PRKG1: variants seen among roughly 807,000 people sequenced by gnomAD.
PRKG1 encodes cGMP-dependent protein kinase 1.
PRKG1 carries 35 observed loss-of-function variants against 88.1 expected under a neutral mutation model. That is an observed-to-expected ratio of 0.40 (90% CI 0.30 to 0.53). The LOEUF is 0.53. Ranked by LOEUF, PRKG1 falls within the 20% of genes least tolerant of loss-of-function variation. PRKG1 has a pLI of 0.59. For missense variants in PRKG1, 540 were observed against 839.8 expected, an observed-to-expected ratio of 0.64 and a Z score of 4.41; for synonymous variants, 303 against 292.5, an observed-to-expected ratio of 1.04 and a Z score of -0.37.
intron 5 of PRKG1, among the ~76,000 whole-genome samples, chr10:51,956,896 G>A (rs530154344): frequency 1.3e-4 from 20 of 152,184 alleles, no homozygotes; most frequent in African/African-American, 4.8e-4. Context: ...TGAAATGTGA[G>A]AACTCAGAAT....
In PRKG1 at chr10:51,810,045, A is replaced by G. The variant is rs375347399; in HGVS notation, c.698+5355A>G. Reference sequence around the variant, plus strand: ...CATTACCAGAGTGATCTAAGATGTGACAACACATCAAGTATGCCTGCCATA... The same window carrying G: ...CATTACCAGAGTGATCTAAGATGTGGCAACACATCAAGTATGCCTGCCATA... On this transcript the variant is annotated intron_variant, in intron 4 of 17. Coordinates refer to ENST00000373980, the MANE Select transcript of PRKG1 (RefSeq NM_006258.4). 1.2e-4 allele frequency among the ~76,000 whole-genome samples: 19 copies of G among 152,232 alleles called. 1 individual carries two copies. The East Asian group carries it at 2.3e-3, about 19-fold the overall frequency.
intron 1 of PRKG1, among the ~76,000 whole-genome samples, chr10:51,025,590 C>T (rs1013888531): frequency 2.0e-5 from 3 of 152,170 alleles, no homozygotes; most frequent in African/African-American, 7.2e-5. Flanking sequence ...GCTGGTGTCC[C>T]TTTCCCCTCA....
intron 2 of PRKG1, among the ~76,000 whole-genome samples, chr10:51,313,003 C>A (rs570390226): frequency 1.3e-5 from 2 of 151,490 alleles, no homozygotes; most frequent in Admixed American, 1.3e-4. Context: ...GTGACATGGG[C>A]TGATATCATT....
At chr10:52,009,243 C>G (rs1844818985) in intron 5 of PRKG1, among the ~76,000 whole-genome samples, 1 of 152,266 alleles carries the variant, frequency 6.6e-6, no homozygotes, top group Non-Finnish European at 1.5e-5. Context: ...TTCCTATTTA[C>G]AGATGATGTG....
chr10:51,486,295 G>A (rs1276657281), intron 3 of PRKG1, among the ~76,000 whole-genome samples: 1 of 151,850 alleles, frequency 6.6e-6, no homozygotes, highest in Admixed American at 6.6e-5. Flanking sequence ...ACTTCTGTGA[G>A]TTTGACAATT....
intron 2 of PRKG1, among the ~76,000 whole-genome samples, chr10:51,212,793 C>A (rs562281868): frequency 1.8e-4 from 28 of 152,200 alleles, no homozygotes; most frequent in Middle Eastern, 3.4e-3. Flanking sequence ...GTTAGAATGG[C>A]GATCATTAAC....
intron 5 of PRKG1, among the ~76,000 whole-genome samples, chr10:51,945,261 G>A (rs572467997): frequency 7.3e-5 from 11 of 150,076 alleles, no homozygotes; most frequent in Admixed American, 3.3e-4. Flanking sequence ...TGTTTTATCA[G>A]AGACTAGGAT....
chr10:51,863,127 G>C (rs1840928716), intron 4 of PRKG1, among the ~76,000 whole-genome samples: 1 of 49,072 alleles, frequency 2.0e-5, no homozygotes, highest in Non-Finnish European at 4.4e-5. Flanking sequence ...TAAATCAGTA[G>C]GACCCCAGAG....
intron 1 of PRKG1, among the ~76,000 whole-genome samples, chr10:51,078,740 C>T (rs1227214625): frequency 6.6e-6 from 1 of 151,882 alleles, no homozygotes; most frequent in Non-Finnish European, 1.5e-5. Flanking sequence ...CCTCAGCCTC[C>T]TGAGTAGCTG....
chr10:51,433,622 G>A (rs1455355669), intron 2 of PRKG1, among the ~76,000 whole-genome samples: 1 of 142,000 alleles, frequency 7.0e-6, no homozygotes, highest in African/African-American at 2.6e-5. Flanking sequence ...CTAGACACCA[G>A]CAATAGGGGC....
intron 3 of PRKG1, among the ~76,000 whole-genome samples, chr10:51,574,270 C>A (rs185903571): frequency 3.3e-5 from 5 of 151,778 alleles, no homozygotes; most frequent in African/African-American, 1.2e-4. Context: ...TGAAAGGAGA[C>A]AAAAAATGAT....
chr10:51,723,784 A>C (rs10823469), intron 3 of PRKG1, among the ~76,000 whole-genome samples: 67,244 of 152,060 alleles, frequency 0.44, 15,490 homozygotes, highest in Middle Eastern at 0.57. Flanking sequence ...ATCCTAAAAG[A>C]TGAATTTTGG....
In PRKG1 at chr10:51,496,974, C is replaced by G. The variant is rs761196874; in HGVS notation, c.592+29138C>G. ...CTAAACTGATTCCTGTTTATTTTAG[C>G]AAAATGACTTCAATAAGTTAAATGG... On this transcript the variant is annotated intron_variant, in intron 3 of 17. Transcript: ENST00000373980. Among the ~76,000 whole-genome samples the G allele has an allele frequency of 4.1e-4, 62 of 152,098 alleles. 2 individuals carry two copies. The highest frequency in any genetic ancestry group is 7.4e-5 in the Non-Finnish European group (5 of 67,988).
intron 5 of PRKG1, among the ~76,000 whole-genome samples, chr10:51,931,127 T>G (rs1842685866): frequency 6.6e-6 from 1 of 152,172 alleles, no homozygotes; most frequent in Admixed American, 6.6e-5. Context: ...GCGCAGTTAA[T>G]TGGTCCATTA....
chr10:51,076,440 G>A (rs1224163001), intron 1 of PRKG1, among the ~76,000 whole-genome samples: 1 of 152,134 alleles, frequency 6.6e-6, no homozygotes, highest in African/African-American at 2.4e-5. Context: ...CATCTCTCCT[G>A]GGCCAAGTTT....
At chr10:52,179,400 T>G (rs1838951736) in intron 9 of PRKG1, among the ~76,000 whole-genome samples, 1 of 152,188 alleles carries the variant, frequency 6.6e-6, no homozygotes, top group African/African-American at 2.4e-5. Flanking sequence ...CTTTTGGTAC[T>G]TTGACTATAT....
intron 5 of PRKG1, among the ~76,000 whole-genome samples, chr10:51,926,230 C>T (rs1048873994): frequency 4.6e-5 from 7 of 152,070 alleles, no homozygotes; most frequent in Admixed American, 1.3e-4. Flanking sequence ...AGAACAAACT[C>T]GAGCTGAACG....
intron 4 of PRKG1, among the ~76,000 whole-genome samples, chr10:51,856,718 C>G (rs1840688495): frequency 6.6e-6 from 1 of 151,836 alleles, no homozygotes; most frequent in Non-Finnish European, 1.5e-5. Flanking sequence ...GTAATCCCAG[C>G]ACTTTGGGAG....
intron 4 of PRKG1, among the ~76,000 whole-genome samples, chr10:51,894,765 G>A (rs1400909988): frequency 5.3e-5 from 8 of 152,040 alleles, no homozygotes; most frequent in Non-Finnish European, 1.2e-4. Context: ...TTTAGAAGAC[G>A]GTTTTAAAGA....
Sources: gnomAD v4.1 joint callset for allele counts (sites outside exome capture counted in the v4.1 genomes callset) on GRCh38, gnomAD v4.1.1 for gene constraint, MANE v1.5 for transcripts, NCBI Gene and HGNC (gene_info 2026-07-23, HGNC 2026-07-21) for gene names.